Variants in MALRD1 observed in about 807,000 individuals in gnomAD.
MALRD1 encodes the protein MAM and LDL-receptor class A domain-containing protein 1.
A neutral mutation model predicts 242.1 loss-of-function variants in MALRD1; 247 were observed. That is an observed-to-expected ratio of 1.02 (90% CI 0.92 to 1.13). The LOEUF is 1.13. Among genes scored for constraint, MALRD1 ranks in the 50% most tolerant of loss-of-function variants. The probability of loss-of-function intolerance (pLI) is 0.00; values close to 1 mark genes in which losing one functional copy is unlikely to be tolerated. For missense variants in MALRD1, 2,989 were observed against 2,533.1 expected, an observed-to-expected ratio of 1.18 and a Z score of -3.86; for synonymous variants, 995 against 866.6, an observed-to-expected ratio of 1.15 and a Z score of -2.60.
intron 33 of MALRD1, among the ~76,000 whole-genome samples, chr10:19,581,853 C>T (rs374576923): frequency 1.3e-5 from 2 of 151,928 alleles, no homozygotes; most frequent in Non-Finnish European, 2.9e-5. Context: ...AAAAGTGTTC[C>T]TATTTCTCCA....
intron 4 of MALRD1, among the ~76,000 whole-genome samples, chr10:19,100,268 A>T (rs1412589970): frequency 6.6e-6 from 1 of 152,162 alleles, no homozygotes; most frequent in Non-Finnish European, 1.5e-5. Context: ...CCTAAGAAAA[A>T]TGTTCCTTCC....
intron 4 of MALRD1, among the ~76,000 whole-genome samples, chr10:19,101,507 T>C (rs1327109612): frequency 7.3e-5 from 10 of 136,368 alleles, no homozygotes; most frequent in Admixed American, 2.3e-4. Flanking sequence ...ATAGCATATG[T>C]ATATCATTAT....
rs775566246 is a variant in MALRD1 at position 19,190,776 on chromosome 10, CT to C, written c.1952-12950del. Among the ~76,000 whole-genome samples, 21 of 151,882 alleles carry C rather than the reference CT, an allele frequency of 1.4e-4. No individual in the cohort carries two copies. The East Asian group carries it at 3.5e-3, about 25-fold the overall frequency. ...ACTTGCGAAAGTATGAAGTTGGACC[CT>C]TACCTAACTTCATATTCAAAAAGTA... is the stretch of plus-strand genomic sequence containing the variant. On this transcript the variant is annotated intron_variant, in intron 14 of 39. Coordinates refer to ENST00000454679, the MANE Select transcript of MALRD1 (RefSeq NM_001142308.3).
intron 18 of MALRD1, among the ~76,000 whole-genome samples, chr10:19,253,321 A>G (rs1839375473): frequency 6.6e-6 from 1 of 152,028 alleles, no homozygotes; most frequent in Non-Finnish European, 1.5e-5. Context: ...TAAATTAGCA[A>G]TTGAGAAAAA....
At chr10:19,068,996 T>C (rs1321213779) in intron 2 of MALRD1, among the ~76,000 whole-genome samples, 1 of 152,096 alleles carries the variant, frequency 6.6e-6, no homozygotes, top group East Asian at 1.9e-4. Context: ...AAAATAGTAG[T>C]ACTACAACAA....
intron 18 of MALRD1, among the ~76,000 whole-genome samples, chr10:19,210,742 A>G (rs1403200815): frequency 1.3e-5 from 2 of 152,220 alleles, no homozygotes; most frequent in Non-Finnish European, 2.9e-5. Context: ...TGAAGAACAC[A>G]TTGGAATGGG....
intron 36 of MALRD1, among the ~76,000 whole-genome samples, chr10:19,672,411 C>CT (rs200485712): frequency 0.043 from 5,401 of 125,434 alleles, 221 homozygotes; most frequent in African/African-American, 0.1. Context: ...AGATATATAG[C>CT]TTTTTTTTTT....
At chr10:19,603,513 G>T (rs1303137392) in intron 34 of MALRD1, among the ~76,000 whole-genome samples, 3 of 152,060 alleles carry the variant, frequency 2.0e-5, no homozygotes, top group Non-Finnish European at 4.4e-5. Flanking sequence ...TAGATGTGTG[G>T]TATTATTTCT....
intron 29 of MALRD1, among the ~76,000 whole-genome samples, chr10:19,478,081 T>A (rs1836825380): frequency 6.6e-6 from 1 of 152,194 alleles, no homozygotes; most frequent in Non-Finnish European, 1.5e-5. Context: ...CTGCTTTTAT[T>A]AAAAGGGAAA....
intron 2 of MALRD1, among the ~76,000 whole-genome samples, chr10:19,078,737 CT>C: frequency 6.6e-6 from 1 of 151,756 alleles, no homozygotes; most frequent in East Asian, 1.9e-4. Flanking sequence ...CTTGAATTGG[CT>C]TTGGTAGTTT....
intron 31 of MALRD1, among the ~76,000 whole-genome samples, chr10:19,520,070 T>C (rs1181080820): frequency 6.6e-6 from 1 of 152,180 alleles, no homozygotes; most frequent in East Asian, 1.9e-4. Flanking sequence ...ACAGGCTTTT[T>C]CATTTAATCC....
chr10:19,311,785 GTTTCC>G (rs1262700368), intron 21 of MALRD1, among the ~76,000 whole-genome samples: 15 of 151,326 alleles, frequency 9.9e-5, no homozygotes, highest in Admixed American at 1.3e-4. Context: ...TCAAATCAAA[GTTTCC>G]TTTCAACAGT....
chr10:19,649,310 C>T (rs957433167), intron 36 of MALRD1, among the ~76,000 whole-genome samples: 4 of 152,156 alleles, frequency 2.6e-5, no homozygotes, highest in African/African-American at 9.7e-5. Flanking sequence ...GAGGAATCAC[C>T]ACAGTGCTTT....
At chr10:19,174,048 C>T (rs1398494223) in intron 13 of MALRD1, among the ~76,000 whole-genome samples, 1 of 152,154 alleles carries the variant, frequency 6.6e-6, no homozygotes, top group African/African-American at 2.4e-5. Flanking sequence ...CCAGGGAAAA[C>T]TCTCTATGTT....
intron 29 of MALRD1, among the ~76,000 whole-genome samples, chr10:19,470,876 G>A (rs925056704): frequency 1.3e-5 from 2 of 151,352 alleles, no homozygotes; most frequent in Non-Finnish European, 3.0e-5. Flanking sequence ...ATACTTTCTT[G>A]GGTCGCGTAG....
intron 28 of MALRD1, among the ~76,000 whole-genome samples, chr10:19,447,443 C>T (rs1402168489): frequency 2.6e-5 from 4 of 152,120 alleles, no homozygotes; most frequent in Non-Finnish European, 4.4e-5. Flanking sequence ...AAATAATTTA[C>T]CCATTTTTTT....
Position 19,138,722 on chromosome 10 carries a change from T to C in MALRD1, c.1411+1941T>C, listed in dbSNP as rs12259077. On this transcript the variant is annotated intron_variant, in intron 10 of 39. Transcript: ENST00000454679. ...GACATGAGCCACTGCACCTGGGCAC[T>C]TGTATATTTGGAAGCTTAGCTTTTT... Among the ~76,000 whole-genome samples, 436 of 152,106 alleles carry C rather than the reference T, an allele frequency of 2.9e-3. 1 individual carries two copies. Among genetic ancestry groups the C allele is most frequent in the African/African-American group, 0.01 (422 of 41,526 alleles).
Position 19,123,511 on chromosome 10 carries a change from A to G in MALRD1, c.714A>G (p.Gln238=). Reference sequence around the variant, plus strand: ...TAACAGATGGAATTTTACTGTGTCAAGAAGCATTGAATGCTGAGCGGGAGC... The same window carrying G: ...TAACAGATGGAATTTTACTGTGTCAGGAAGCATTGAATGCTGAGCGGGAGC... ...LPANDGILLC[Q]EALNAERELC... The change falls in exon 6 of 40, where the codon CAA becomes CAG. Residue 238 remains glutamine, a synonymous_variant. Transcript: ENST00000454679. 1 of 1,233,628 alleles carries G rather than the reference A, an allele frequency of 8.1e-7. No homozygotes were observed. The highest frequency in any genetic ancestry group is 1.0e-6 in the Non-Finnish European group (1 of 987,876). The allele number at this position is 1,233,628 out of a possible 1,614,324, so 76.4% of individuals were successfully genotyped here.
intron 10 of MALRD1, among the ~76,000 whole-genome samples, chr10:19,140,912 A>G (rs986267152): frequency 6.6e-6 from 1 of 152,130 alleles, no homozygotes; most frequent in Non-Finnish European, 1.5e-5. Flanking sequence ...GTATACTTGA[A>G]ATTTGCTGAG....
Sources: allele counts gnomAD v4.1 joint callset (sites outside exome capture counted in the v4.1 genomes callset), GRCh38; gene constraint gnomAD v4.1.1; transcripts MANE v1.5; gene names NCBI Gene and HGNC (gene_info 2026-07-23, HGNC 2026-07-21).